KATNB1: variants seen among roughly 807,000 people sequenced by gnomAD.
KATNB1 encodes the protein katanin p80 WD40 repeat-containing subunit B1.
A neutral mutation model predicts 82.3 loss-of-function variants in KATNB1; 38 were observed. That is an observed-to-expected ratio of 0.46 (90% CI 0.36 to 0.61). KATNB1 has a LOEUF of 0.61. KATNB1 is among the 20% of genes least tolerant of loss of function. KATNB1 has a pLI of 0.00. For synonymous variants in KATNB1, 361 were observed against 368.7 expected (o/e 0.98, Z 0.24); for missense variants, 749 against 915.7 (o/e 0.82, Z 2.35).
chr16:57,753,078 T>C lies in KATNB1; in HGVS notation c.857T>C (p.Ile286Thr), dbSNP rs782800779. Residue 286 changes from isoleucine (I) to threonine (T), a missense_variant and splice_region_variant, in exon 11 of 20, where the codon ATA (isoleucine) becomes ACA (threonine). Coordinates refer to ENST00000379661, the MANE Select transcript of KATNB1 (RefSeq NM_005886.3). ...GCCCCACCTCTCCGCTTTCTGCAGA[T>C]AGGTGTGGCCTTCTCCCAGAGCAAC... ...ADLAICNDQL[I>T]GVAFSQSNVS... 1 of 1,601,076 alleles carries C rather than the reference T, an allele frequency of 6.2e-7. No individual in the cohort carries two copies. Among genetic ancestry groups the C allele is most frequent in the Non-Finnish European group, 8.5e-7 (1 of 1,173,778 alleles).
chr16:57,750,487 G>A (rs1009034261), intron 4 of KATNB1, among the ~76,000 whole-genome samples: 1 of 152,144 alleles, frequency 6.6e-6, no homozygotes, highest in Non-Finnish European at 1.5e-5. Flanking sequence ...TTAGCCGGGT[G>A]TGGTGGCACA....
At position 57,751,061 on chromosome 16, in the gene KATNB1, A is replaced by G. The variant is rs2049222723; in HGVS notation, c.390+134A>G. The G allele has an allele frequency of 1.2e-6, 1 of 857,484 alleles. No individual in the cohort carries two copies. The highest frequency in any genetic ancestry group is 1.9e-6 in the Non-Finnish European group (1 of 522,638). 53.1% of individuals were successfully genotyped at this position (857,484 alleles called of 1,614,324 possible). On this transcript the variant is annotated intron_variant, in intron 5 of 19. Transcript: ENST00000379661. The surrounding 1 kb of genome is among the most constrained non-coding windows in gnomAD (Gnocchi z 6.3). ...AGCCACATCCACACCATCCTAGGGA[A>G]AGCGGGTGGCAGGCATCTATCTGCC...
chr16:57,756,246 G>A (rs1555586278), intron 18 of KATNB1, 110 bp from the exon 19 acceptor site: 3 of 1,130,318 alleles, frequency 2.7e-6, no homozygotes, highest in African/African-American at 1.5e-5. Context: ...GGGTGTATGT[G>A]TGGGTGTGTC....
In KATNB1 at chr16:57,741,752, C is replaced by T. The variant is rs781914505; in HGVS notation, c.106C>T (p.Leu36=). ...GCTGGGCAAAGCCTCCGGGCGGCTG[C>T]TGGCTACAGGCGGGGATGACTGCCG... is the stretch of plus-strand genomic sequence containing the variant. The part of the protein sequence containing the change: ...LVLGKASGRL[L]ATGGDDCRVN... The change falls in exon 3 of 20, where the codon CTG becomes TTG. Residue 36 remains leucine, a synonymous_variant. Transcript: ENST00000379661. The T allele has an allele frequency of 6.2e-7, 1 of 1,614,172 alleles. No individual in the cohort carries two copies. Among genetic ancestry groups the T allele is most frequent in the Non-Finnish European group, 8.5e-7 (1 of 1,180,044 alleles).
intron 4 of KATNB1, among the ~76,000 whole-genome samples, chr16:57,746,562 G>A (rs561871605): frequency 5.9e-5 from 9 of 152,324 alleles, no homozygotes; most frequent in East Asian, 5.8e-4. Flanking sequence ...GCTGTGCCTC[G>A]GTGCCTTAGC....
chr16:57,753,484 A>G lies in KATNB1; in HGVS notation c.1142A>G (p.Asp381Gly), dbSNP rs1157611604. 2 of 1,613,016 alleles carry G rather than the reference A, an allele frequency of 1.2e-6. No individual in the cohort carries two copies. Among genetic ancestry groups the G allele is most frequent in the African/African-American group, 1.3e-5 (1 of 74,890 alleles). The part of the protein sequence containing the change: ...ESRAEIQNAE[D>G]YNEIFQPKNS... Reference sequence around the variant, plus strand: ...CGCGCGGAGATCCAGAACGCCGAGGACTACAACGAGATCTTCCAGCCCAAG... The same window carrying G: ...CGCGCGGAGATCCAGAACGCCGAGGGCTACAACGAGATCTTCCAGCCCAAG... Residue 381 changes from aspartate (D) to glycine (G), a missense_variant, in exon 12 of 20, where the codon GAC (aspartate) becomes GGC (glycine). Asp to Gly is a moderately conservative substitution (Grantham distance 94). Around this residue, in one of 3 missense-constraint regions of KATNB1, gnomAD observed 407 missense variants for 434.7 expected, o/e 0.94. Transcript: ENST00000379661.
chr16:57,745,792 T>TC (rs1247380882), intron 4 of KATNB1, among the ~76,000 whole-genome samples: 1 of 140,400 alleles, frequency 7.1e-6, no homozygotes, highest in Admixed American at 7.2e-5. Flanking sequence ...TAATAATAGT[T>TC]CCTTTTTTTT....
In KATNB1 at chr16:57,737,153, T is replaced by C. The variant is rs113501175; in HGVS notation, c.-91T>C. The C allele has an allele frequency of 0.011, 15,991 of 1,500,566 alleles. 112 individuals are homozygous for C. The highest frequency in any genetic ancestry group is 0.013 in the Non-Finnish European group (13,835 of 1,086,590). The allele number at this position is 1,500,566 out of a possible 1,614,324, so 93.0% of individuals were successfully genotyped here. On this transcript the variant is annotated 5_prime_UTR_variant, in exon 2 of 20. Transcript: ENST00000379661. ...GTGTGGGAACTCTCTGCCAACTTGA[T>C]TGGTGGATCTGGGGGGGGATCCACC...
intron 2 of KATNB1, among the ~76,000 whole-genome samples, chr16:57,738,348 C>T (rs1230633466): frequency 3.3e-5 from 5 of 152,028 alleles, no homozygotes; most frequent in African/African-American, 7.2e-5. Flanking sequence ...CTCTGCTTCC[C>T]GGGTTCATGC....
intron 3 of KATNB1, among the ~76,000 whole-genome samples, chr16:57,743,241 C>T (rs1238409380): frequency 5.3e-5 from 8 of 152,180 alleles, no homozygotes; most frequent in East Asian, 1.9e-4. Flanking sequence ...TGCAGTAAGC[C>T]GAGATGGTGC....
chr16:57,741,432 A>G (rs1287654199), intron 2 of KATNB1, among the ~76,000 whole-genome samples: 1 of 152,280 alleles, frequency 6.6e-6, no homozygotes, highest in African/African-American at 2.4e-5. Context: ...AGAAACAGGA[A>G]GAAAATCGTG....
At chr16:57,749,713 G>C (rs1555582486) in intron 4 of KATNB1, among the ~76,000 whole-genome samples, 1 of 152,168 alleles carries the variant, frequency 6.6e-6, no homozygotes, top group Non-Finnish European at 1.5e-5. Context: ...AAACACACAA[G>C]GTTTGCCTCC....
At chr16:57,744,743 G>T in intron 4 of KATNB1, among the ~76,000 whole-genome samples, 1 of 149,350 alleles carries the variant, frequency 6.7e-6, no homozygotes. Flanking sequence ...GTGTTTGGAT[G>T]TATGTGTGTT....
Position 57,753,489 on chromosome 16 carries a change from A to G in KATNB1, c.1147A>G (p.Asn383Asp), listed in dbSNP as rs1178989046. 3.7e-6 allele frequency: 6 copies of G among 1,613,086 alleles called. No homozygotes were observed. The East Asian group carries it at 6.7e-5, about 18-fold the overall frequency. The change falls in exon 12 of 20, where the codon AAC becomes GAC. Residue 383 changes from asparagine (N) to aspartate (D), a missense_variant. By Grantham distance (23) the Asn-to-Asp change is conservative. This residue lies in a region of KATNB1 where 407 missense variants were observed against 434.7 expected (regional missense o/e 0.94). Transcript: ENST00000379661. ...GGAGATCCAGAACGCCGAGGACTAC[A>G]ACGAGATCTTCCAGCCCAAGAACAG... Reference protein sequence around the residue: ...RAEIQNAEDYNEIFQPKNSIS... With the variant: ...RAEIQNAEDYDEIFQPKNSIS...
intron 4 of KATNB1, among the ~76,000 whole-genome samples, chr16:57,744,830 G>A (rs1034227107): frequency 8.6e-5 from 13 of 151,860 alleles, no homozygotes; most frequent in African/African-American, 2.9e-4. Flanking sequence ...GTCACATGCC[G>A]CCAGGGGCCC....
chr16:57,741,102 G>A (rs776289956), intron 2 of KATNB1, among the ~76,000 whole-genome samples: 19 of 152,176 alleles, frequency 1.2e-4, no homozygotes, highest in Admixed American at 3.9e-4. Flanking sequence ...AACCTGATCC[G>A]TGATTGTGAA....
At position 57,755,106 on chromosome 16, in the gene KATNB1, T is replaced by C. The variant is rs968969656; in HGVS notation, c.1297-13T>C. 13 of 1,612,894 alleles carry C rather than the reference T, an allele frequency of 8.1e-6. No individual in the cohort carries two copies. In the African/African-American group the frequency reaches 1.6e-4, roughly 20 times the overall value. On this transcript the variant is annotated splice_polypyrimidine_tract_variant and intron_variant, in intron 14 of 19. Transcript: ENST00000379661. The stretch of plus-strand genomic sequence containing the variant: ...GGCCCCAGGCCGGCAACCGCTGAGT[T>C]TCACACTTTCAGCTGGAGGTCCTGC...
At chr16:57,743,897 C>A (rs1001258914) in intron 3 of KATNB1, among the ~76,000 whole-genome samples, 1 of 152,222 alleles carries the variant, frequency 6.6e-6, no homozygotes, top group East Asian at 1.9e-4. Flanking sequence ...CTCCTTTCCA[C>A]GGGGATGGGC....
intron 13 of KATNB1, 38 bp downstream of exon 13, chr16:57,754,033 GC>G (rs59680456): frequency 0.029 from 45,571 of 1,552,880 alleles, 1,852 homozygotes; most frequent in East Asian, 0.16. Context: ...GGTCTCTGAT[GC>G]CCCCCCGTCC....
Sources: allele counts gnomAD v4.1 joint callset (sites outside exome capture counted in the v4.1 genomes callset), GRCh38; gene constraint gnomAD v4.1.1; regional missense constraint gnomAD v4.1.1; non-coding constraint Gnocchi (gnomAD v3.1); transcripts MANE v1.5; gene names NCBI Gene and HGNC (gene_info 2026-07-23, HGNC 2026-07-21).